MCF2L2: variants seen among roughly 807,000 people sequenced by gnomAD.
MCF2L2 encodes MCF.2 cell line derived transforming sequence-like 2.
MCF2L2 carries 102 observed loss-of-function variants against 150.2 expected under a neutral mutation model. The observed-to-expected ratio is 0.68, with a 90% CI of 0.58 to 0.80. The LOEUF is 0.80. Ranked by LOEUF, MCF2L2 falls within the 30% of genes least tolerant of loss-of-function variation. The pLI, the probability that MCF2L2 is intolerant of heterozygous loss-of-function variation, is 0.00. For missense variants in MCF2L2, 1,256 were observed against 1,372.8 expected (o/e 0.91, Z 1.34); for synonymous variants, 465 against 491.3 (o/e 0.95, Z 0.71).
intron 3 of MCF2L2, among the ~76,000 whole-genome samples, chr3:183,368,448 G>A (rs928873920): frequency 6.6e-6 from 1 of 152,124 alleles, no homozygotes; most frequent in Admixed American, 6.6e-5. Flanking sequence ...CAGTAGTTGA[G>A]GTAGAGGCAC....
Position 183,206,225 on chromosome 3 carries a change from G to C in MCF2L2, c.2713-11C>G. ...TGAAAGTGTCATCAGCTATTATAAA[G>C]AGGGAAGAGAAATGTTCTATACCAT... On this transcript the variant is annotated splice_polypyrimidine_tract_variant and intron_variant, in intron 23 of 29. Coordinates refer to ENST00000328913, the MANE Select transcript of MCF2L2 (RefSeq NM_015078.4). 1.3e-6 allele frequency: 2 copies of C among 1,597,398 alleles called. No homozygotes were observed. Among genetic ancestry groups the C allele is most frequent in the Non-Finnish European group, 1.7e-6 (2 of 1,164,774 alleles).
intron 10 of MCF2L2, among the ~76,000 whole-genome samples, chr3:183,300,734 A>G (rs1366301305): frequency 6.6e-6 from 1 of 152,104 alleles, no homozygotes; most frequent in Non-Finnish European, 1.5e-5. Flanking sequence ...ATGCTTGTCT[A>G]GGCTGGGCGT....
chr3:183,291,019 T>C (rs887829628), intron 13 of MCF2L2, among the ~76,000 whole-genome samples: 6 of 150,804 alleles, frequency 4.0e-5, no homozygotes, highest in Non-Finnish European at 7.4e-5. Flanking sequence ...TTTTCATAGA[T>C]GTTATGTTGA....
intron 15 of MCF2L2, among the ~76,000 whole-genome samples, chr3:183,265,814 A>C (rs1249250467): frequency 2.0e-5 from 3 of 152,190 alleles, no homozygotes; most frequent in African/African-American, 7.2e-5. Flanking sequence ...CAGTATTATC[A>C]GTGAGATCTG....
intron 3 of MCF2L2, among the ~76,000 whole-genome samples, chr3:183,370,752 T>TTTACTACAATTTAC (rs6148223): frequency 0.28 from 41,786 of 151,776 alleles, 8,144 homozygotes; most frequent in African/African-American, 0.55. Flanking sequence ...TTTCCTGCCC[T>TTTACTACAATTTAC]TTACTACAAT....
chr3:183,193,621 T>A (rs963097062), intron 26 of MCF2L2, among the ~76,000 whole-genome samples: 1 of 152,180 alleles, frequency 6.6e-6, no homozygotes, highest in South Asian at 2.1e-4. Flanking sequence ...AGTGCTGGGA[T>A]TACATGGCTA....
intron 21 of MCF2L2, among the ~76,000 whole-genome samples, chr3:183,217,251 G>A (rs1722978104): frequency 7.7e-6 from 1 of 129,232 alleles, no homozygotes; most frequent in Admixed American, 9.6e-5. Flanking sequence ...CCCAGATTGT[G>A]TCATTGCACT....
chr3:183,247,992 T>C (rs1576957375), intron 15 of MCF2L2, among the ~76,000 whole-genome samples: 1 of 152,288 alleles, frequency 6.6e-6, no homozygotes, highest in Non-Finnish European at 1.5e-5. Flanking sequence ...GTCTATGAAA[T>C]AGTCAAAGAG....
intron 2 of MCF2L2, among the ~76,000 whole-genome samples, chr3:183,382,545 G>T (rs1054366060): frequency 3.3e-5 from 5 of 152,120 alleles, no homozygotes; most frequent in African/African-American, 9.7e-5. Context: ...AACAGAGCTG[G>T]ACTTAACTGT....
intron 27 of MCF2L2, among the ~76,000 whole-genome samples, chr3:183,191,073 A>C (rs962210482): frequency 6.6e-6 from 1 of 151,420 alleles, no homozygotes; most frequent in East Asian, 1.9e-4. Flanking sequence ...TTTTAGTTTC[A>C]TCATGTTGGC....
intron 6 of MCF2L2, among the ~76,000 whole-genome samples, chr3:183,319,672 T>C (rs576820696): frequency 1.3e-5 from 2 of 152,252 alleles, no homozygotes; most frequent in Non-Finnish European, 2.9e-5. Flanking sequence ...CAACTCCTTG[T>C]ACATCTCCAT....
chr3:183,410,001 A>G (rs947553029), intron 1 of MCF2L2, among the ~76,000 whole-genome samples: 3 of 152,206 alleles, frequency 2.0e-5, no homozygotes, highest in Admixed American at 6.5e-5. Flanking sequence ...CTTTCAAGGT[A>G]AAGCTCACTG....
chr3:183,351,192 A>ATG (rs1355054245), intron 3 of MCF2L2, among the ~76,000 whole-genome samples: 7 of 24,066 alleles, frequency 2.9e-4, no homozygotes, highest in African/African-American at 7.1e-4. Context: ...TTTCTTAAGT[A>ATG]TATATATATA....
chr3:183,221,055 T>C (rs1263316765), intron 20 of MCF2L2, among the ~76,000 whole-genome samples: 1 of 152,192 alleles, frequency 6.6e-6, no homozygotes, highest in Non-Finnish European at 1.5e-5. Flanking sequence ...CCAGCACATG[T>C]GTGCGAGATG....
Position 183,350,156 on chromosome 3 carries a change from T to C in MCF2L2, c.276-8526A>G, listed in dbSNP as rs577234343. ...TGGAGTGTGGGATCTGCTGGAAAAA[T>C]ACCTGTGAACAGAAAGAGCTGTGTC... On this transcript the variant is annotated intron_variant, in intron 3 of 29. Coordinates refer to ENST00000328913, the MANE Select transcript of MCF2L2 (RefSeq NM_015078.4). Among the ~76,000 whole-genome samples, 12 of 152,180 alleles carry C rather than the reference T, an allele frequency of 7.9e-5. No homozygotes were observed. The East Asian group carries it at 1.7e-3, about 22-fold the overall frequency.
intron 7 of MCF2L2, among the ~76,000 whole-genome samples, chr3:183,313,162 C>A (rs558133622): frequency 8.5e-5 from 13 of 152,224 alleles, no homozygotes. Context: ...TAGCCATTTC[C>A]TCATCCCACC....
chr3:183,301,014 CAAAAAAAAAAAAA>C (rs11388183), intron 10 of MCF2L2, among the ~76,000 whole-genome samples: 2 of 65,642 alleles, frequency 3.0e-5, no homozygotes, highest in Admixed American at 2.1e-4. Flanking sequence ...GACTCCATCT[CAAAAAAAAAAAAA>C]AAAAAAAAAA....
At chr3:183,376,297 G>A (rs1354598300) in intron 3 of MCF2L2, 1 of 152,188 alleles carries the variant, frequency 6.6e-6, no homozygotes, top group East Asian at 1.9e-4. Context: ...AATGCAAAAG[G>A]AAAATCCTCC....
intron 27 of MCF2L2, among the ~76,000 whole-genome samples, chr3:183,189,479 G>A (rs1249007877): frequency 6.6e-6 from 1 of 152,214 alleles, no homozygotes; most frequent in Non-Finnish European, 1.5e-5. Context: ...CTTCCGCATA[G>A]TCTTAGGGGA....
Sources: allele counts gnomAD v4.1 joint callset (sites outside exome capture counted in the v4.1 genomes callset), GRCh38; gene constraint gnomAD v4.1.1; transcripts MANE v1.5; gene names NCBI Gene and HGNC (gene_info 2026-07-23, HGNC 2026-07-21).